The following HSF5 variants were observed in gnomAD, a reference collection of about 807,000 sequenced individuals.
HSF5 encodes heat shock transcription factor 5, also known as heat shock factor protein 5.
HSF5 carries 5 observed loss-of-function variants against 50.8 expected under a neutral mutation model. The ratio of observed to expected loss-of-function variants is 0.10; its 90% confidence interval spans 0.05 to 0.21. The LOEUF (loss-of-function observed/expected upper bound fraction) is 0.21, where lower values mean the gene tolerates loss of function less well. Ranked by LOEUF, HSF5 falls within the 10% of genes least tolerant of loss-of-function variation. The probability of loss-of-function intolerance (pLI) is 1.00; values close to 1 mark genes in which losing one functional copy is unlikely to be tolerated. For missense variants in HSF5, 564 were observed against 762.6 expected (o/e 0.74, Z 3.07); for synonymous variants, 307 against 307.4 (o/e 1.00, Z 0.02).
intron 2 of HSF5, among the ~76,000 whole-genome samples, chr17:58,475,228 T>A (rs1225768868): frequency 1.3e-5 from 2 of 152,208 alleles, no homozygotes; most frequent in Non-Finnish European, 2.9e-5. Flanking sequence ...TATGGTTGGA[T>A]ATTAACAGCT....
chr17:58,440,745 A>T (rs185627013), intron 5 of HSF5, among the ~76,000 whole-genome samples: 2 of 152,188 alleles, frequency 1.3e-5, no homozygotes, highest in African/African-American at 4.8e-5. Context: ...TTGGCAGATA[A>T]CTAGAAACTC....
chr17:58,441,186 C>T (rs557280139), intron 5 of HSF5, among the ~76,000 whole-genome samples: 1 of 151,790 alleles, frequency 6.6e-6, no homozygotes, highest in East Asian at 1.9e-4. Context: ...AATTAGAAAT[C>T]GATAACAATA....
chr17:58,428,565 A>C (rs1450569585), intron 5 of HSF5, among the ~76,000 whole-genome samples: 1 of 152,122 alleles, frequency 6.6e-6, no homozygotes, highest in Non-Finnish European at 1.5e-5. Flanking sequence ...AAGCTGAGGC[A>C]GGAGAATGGC....
Position 58,487,756 on chromosome 17 carries a change from C to A in HSF5, c.519G>T (p.Pro173=), listed in dbSNP as rs1333606233. The change falls in exon 1 of 6, where the codon CCG becomes CCT. Residue 173 remains proline, a synonymous_variant. Coordinates refer to ENST00000323777, the MANE Select transcript of HSF5 (RefSeq NM_001080439.3). ...GCTCGGGCCGGGGCCCCGCGGGCGG[C>A]GGCGGCTGCTGGTGCTGCAGTGGCG... The part of the protein sequence containing the change: ...ATAPLQHQQP[P]PPAGPRPEPH... The A allele has an allele frequency of 7.2e-7, 1 of 1,386,620 alleles. No individual in the cohort carries two copies. The highest frequency in any genetic ancestry group is 3.0e-5 in the East Asian group (1 of 33,798). The allele number at this position is 1,386,620 out of a possible 1,614,324, so 85.9% of individuals were successfully genotyped here. A position where few individuals can be genotyped will look rare whatever the true frequency, so the allele number is the denominator to read the frequency against.
chr17:58,484,205 G>GA (rs555852057), intron 1 of HSF5, among the ~76,000 whole-genome samples: 3,243 of 118,046 alleles, frequency 0.027, 55 homozygotes, highest in Middle Eastern at 0.052. Flanking sequence ...GAATGGTAAG[G>GA]AAAAAAAAAA....
intron 3 of HSF5, among the ~76,000 whole-genome samples, chr17:58,466,470 T>G (rs536391570): frequency 2.0e-5 from 3 of 152,340 alleles, no homozygotes; most frequent in African/African-American, 7.2e-5. Flanking sequence ...TGCTGTATAA[T>G]TCAGTACCCA....
At chr17:58,477,585 C>G (rs1333216419) in intron 2 of HSF5, among the ~76,000 whole-genome samples, 2 of 151,782 alleles carry the variant, frequency 1.3e-5, no homozygotes, top group Non-Finnish European at 2.9e-5. Flanking sequence ...TCAGCCTCCC[C>G]AGTAGCTGGG....
chr17:58,475,885 A>G (rs919006936), intron 2 of HSF5, among the ~76,000 whole-genome samples: 2 of 152,128 alleles, frequency 1.3e-5, no homozygotes, highest in African/African-American at 4.8e-5. Flanking sequence ...TTCAGACAAG[A>G]AGGGATAAAA....
At chr17:58,478,731 T>C (rs1975058000) in intron 2 of HSF5, among the ~76,000 whole-genome samples, 1 of 150,188 alleles carries the variant, frequency 6.7e-6, no homozygotes, top group Non-Finnish European at 1.5e-5. Context: ...GGTGTGGTGA[T>C]GGACATCTGT....
At chr17:58,481,272 A>AC (rs1337780286) in intron 1 of HSF5, among the ~76,000 whole-genome samples, 2 of 152,040 alleles carry the variant, frequency 1.3e-5, no homozygotes, top group Non-Finnish European at 2.9e-5. Context: ...CATCTGAATC[A>AC]CCTGAAGAGT....
chr17:58,428,080 T>C (rs1227842457), intron 5 of HSF5, among the ~76,000 whole-genome samples: 1 of 152,196 alleles, frequency 6.6e-6, no homozygotes, highest in Non-Finnish European at 1.5e-5. Context: ...TTCTTTTGAT[T>C]TTTTCCTCCA....
At chr17:58,486,321 C>T (rs1431264538) in intron 1 of HSF5, among the ~76,000 whole-genome samples, 17 of 151,240 alleles carry the variant, frequency 1.1e-4, no homozygotes, top group African/African-American at 4.1e-4. Flanking sequence ...GCCGAGATCG[C>T]GCCATTGCAC....
intron 5 of HSF5, among the ~76,000 whole-genome samples, chr17:58,425,696 T>C (rs577591285): frequency 2.4e-3 from 364 of 150,234 alleles, no homozygotes; most frequent in African/African-American, 8.5e-3. Context: ...ATAACAGTAA[T>C]ACATTTACAT....
At chr17:58,460,515 T>C (rs201172844) in intron 4 of HSF5, among the ~76,000 whole-genome samples, 1 of 102,646 alleles carries the variant, frequency 9.7e-6, no homozygotes, top group South Asian at 3.2e-4. Flanking sequence ...ACACACATAC[T>C]TTTTTTTTTT....
At chr17:58,466,100 G>A (rs1276423343) in intron 3 of HSF5, among the ~76,000 whole-genome samples, 1 of 151,926 alleles carries the variant, frequency 6.6e-6, no homozygotes, top group Non-Finnish European at 1.5e-5. Context: ...GTTTAGACTC[G>A]GGTCATATTC....
At position 58,470,920 on chromosome 17, in the gene HSF5, C is replaced by T. The variant is rs564184270; in HGVS notation, c.926-3941G>A. On this transcript the variant is annotated intron_variant, in intron 2 of 5. Transcript: ENST00000323777. ...CAGCCTGGGTGACAGAGTGAGACTC[C>T]GTCTCAAAAAAAAAGATGGTAAATT... is the stretch of plus-strand genomic sequence containing the variant. Among the ~76,000 whole-genome samples, 24 of 151,130 alleles carry T rather than the reference C, an allele frequency of 1.6e-4. No individual in the cohort carries two copies. The South Asian group carries it at 4.4e-3, about 28-fold the overall frequency.
At chr17:58,430,400 CTG>C (rs1475748263) in intron 5 of HSF5, among the ~76,000 whole-genome samples, 2 of 152,130 alleles carry the variant, frequency 1.3e-5, no homozygotes, top group Non-Finnish European at 2.9e-5. Flanking sequence ...GGATATGTGT[CTG>C]TGTTTCTAGA....
In HSF5 at chr17:58,458,682, A is replaced by G. The variant is rs540509787; in HGVS notation, c.1720+86T>C. The G allele has an allele frequency of 7.3e-4, 797 of 1,098,896 alleles. 2 individuals carry two copies. The highest frequency in any genetic ancestry group is 9.6e-4 in the Non-Finnish European group (738 of 771,992). 68.1% of individuals were successfully genotyped at this position (1,098,896 alleles called of 1,614,324 possible). ...AGGTCTAATACAATTATGAATAATA[A>G]ATGGAGACCCAGAAAAAATGTCATT... is the stretch of plus-strand genomic sequence containing the variant. On this transcript the variant is annotated intron_variant, in intron 5 of 5. Coordinates refer to ENST00000323777, the MANE Select transcript of HSF5 (RefSeq NM_001080439.3).
Position 58,463,071 on chromosome 17 carries a change from C to T in HSF5, c.1253G>A (p.Ser418Asn), listed in dbSNP as rs752464461. The T allele has an allele frequency of 5.0e-6, 8 of 1,614,222 alleles. No homozygotes were observed. In the East Asian group the frequency reaches 1.8e-4, roughly 36 times the overall value. The change falls in exon 4 of 6, where the codon AGC (serine) becomes AAC (asparagine). Residue 418 changes from serine to asparagine, a missense_variant. By Grantham distance (46) the Ser-to-Asn change is conservative. Around this residue, in one of 5 missense-constraint regions of HSF5, gnomAD observed 441 missense variants for 533.6 expected, o/e 0.83. Coordinates refer to ENST00000323777, the MANE Select transcript of HSF5 (RefSeq NM_001080439.3). ...GQHILANSNN[S>N]NPCSASQASQ... is the part of the protein sequence containing the mutation. Reference sequence around the variant, plus strand: ...AGCCTGACTTGCAGAACATGGATTGCTGTTGTTAGAATTAGCTAAAATGTG... The same window carrying T: ...AGCCTGACTTGCAGAACATGGATTGTTGTTGTTAGAATTAGCTAAAATGTG...
Sources: allele counts gnomAD v4.1 joint callset (sites outside exome capture counted in the v4.1 genomes callset), GRCh38; gene constraint gnomAD v4.1.1; regional missense constraint gnomAD v4.1.1; transcripts MANE v1.5; gene names NCBI Gene and HGNC (gene_info 2026-07-23, HGNC 2026-07-21).